PTPRR: variants seen among roughly 807,000 people sequenced by gnomAD.
PTPRR encodes protein tyrosine phosphatase receptor type R.
PTPRR carries 38 observed loss-of-function variants against 77.2 expected under a neutral mutation model. That is an observed-to-expected ratio of 0.49 (90% CI 0.38 to 0.65). The LOEUF is 0.65. PTPRR is among the 30% of genes least tolerant of loss of function. The pLI is 0.00. For synonymous variants in PTPRR, 299 were observed against 283.1 expected (o/e 1.06, Z -0.57); for missense variants, 744 against 799.2 (o/e 0.93, Z 0.83).
At chr12:70,768,969 C>A (rs545422459) in intron 2 of PTPRR, among the ~76,000 whole-genome samples, 6 of 150,940 alleles carry the variant, frequency 4.0e-5, no homozygotes, top group Non-Finnish European at 5.9e-5. Context: ...ACCCTTCATG[C>A]TAAAAACTCT....
intron 2 of PTPRR, among the ~76,000 whole-genome samples, chr12:70,801,719 C>T (rs1251815158): frequency 6.6e-6 from 1 of 151,734 alleles, no homozygotes; most frequent in Non-Finnish European, 1.5e-5. Context: ...CCTCCATAAC[C>T]ACATGAGCCA....
At chr12:70,639,465 A>G in intron 13 of PTPRR, 188 bp from the exon 14 acceptor site, 1 of 1,385,338 alleles carries the variant, frequency 7.2e-7, no homozygotes, top group South Asian at 1.5e-5. Context: ...GGTAATGTAT[A>G]TAAAGGGCTT....
chr12:70,811,172 C>T (rs1183737240), intron 2 of PTPRR, among the ~76,000 whole-genome samples: 2 of 152,116 alleles, frequency 1.3e-5, no homozygotes, highest in African/African-American at 4.8e-5. Context: ...TGCAGTTTCT[C>T]AACCAATGCA....
intron 10 of PTPRR, among the ~76,000 whole-genome samples, chr12:70,673,217 C>T (rs1887312711): frequency 1.3e-5 from 2 of 152,134 alleles, no homozygotes; most frequent in Admixed American, 1.3e-4. Context: ...ACATATTACA[C>T]ACCCTCTAGG....
chr12:70,883,746 GA>G (rs1183051517), intron 2 of PTPRR, among the ~76,000 whole-genome samples: 1 of 151,694 alleles, frequency 6.6e-6, no homozygotes, highest in African/African-American at 2.4e-5. Flanking sequence ...ACCCTCCCAG[GA>G]AAAAAAATGA....
intron 6 of PTPRR, among the ~76,000 whole-genome samples, chr12:70,728,164 TCCG>T (rs1889510031): frequency 6.7e-6 from 1 of 149,992 alleles, no homozygotes; most frequent in South Asian, 2.1e-4. Flanking sequence ...GTATCCCTTA[TCCG>T]AAATGCTTGG....
At chr12:70,865,802 C>A (rs997195700) in intron 2 of PTPRR, among the ~76,000 whole-genome samples, 4 of 152,160 alleles carry the variant, frequency 2.6e-5, no homozygotes, top group Non-Finnish European at 4.4e-5. Flanking sequence ...ATGAGTAGAA[C>A]ATACCAGATA....
intron 2 of PTPRR, among the ~76,000 whole-genome samples, chr12:70,782,629 A>G (rs1891227764): frequency 6.6e-6 from 1 of 151,012 alleles, no homozygotes; most frequent in South Asian, 2.1e-4. Flanking sequence ...CATAGTGGGA[A>G]TTGAACAATG....
At chr12:70,891,685 T>C (rs1251371283) in intron 2 of PTPRR, among the ~76,000 whole-genome samples, 1 of 152,104 alleles carries the variant, frequency 6.6e-6, no homozygotes, top group Non-Finnish European at 1.5e-5. Context: ...TAATAAATAC[T>C]GAGTGTATGC....
chr12:70,771,102 T>C (rs572157725), intron 2 of PTPRR, among the ~76,000 whole-genome samples: 4 of 151,324 alleles, frequency 2.6e-5, no homozygotes, highest in Admixed American at 2.6e-4. Flanking sequence ...CATGTATACA[T>C]ATGTAACTAA....
intron 2 of PTPRR, among the ~76,000 whole-genome samples, chr12:70,863,857 G>A (rs761972334): frequency 1.3e-5 from 2 of 152,102 alleles, no homozygotes; most frequent in African/African-American, 2.4e-5. Flanking sequence ...TGCCCAAAGC[G>A]AAACTCTTGG....
chr12:70,639,169 C>T lies in PTPRR; in HGVS notation c.*15G>A, dbSNP rs755867495. 1.9e-6 allele frequency: 3 copies of T among 1,607,308 alleles called. No homozygotes were observed. Among genetic ancestry groups the T allele is most frequent in the Admixed American group, 1.7e-5 (1 of 59,972 alleles). ...TCACCCCAAGAGATTGATGGTCTGA[C>T]AAGTCTTCAATGACTCACTGGACAG... On this transcript the variant is annotated 3_prime_UTR_variant, in exon 14 of 14. Transcript: ENST00000283228.
At chr12:70,867,123 C>G (rs1892866833) in intron 2 of PTPRR, among the ~76,000 whole-genome samples, 1 of 149,708 alleles carries the variant, frequency 6.7e-6, no homozygotes, top group South Asian at 2.1e-4. Flanking sequence ...CCTTTGAAAA[C>G]TGGCACAAGA....
intron 10 of PTPRR, chr12:70,672,101 C>T: frequency 7.2e-7 from 1 of 1,383,174 alleles, no homozygotes. Flanking sequence ...TGACTCTATG[C>T]TCCCCAAAAT....
chr12:70,881,603 T>C (rs11178470), intron 2 of PTPRR, among the ~76,000 whole-genome samples: 27,930 of 152,208 alleles, frequency 0.18, 3,271 homozygotes, highest in East Asian at 0.41. Context: ...AAGTTGGTAA[T>C]GTTCTCTTGA....
intron 2 of PTPRR, among the ~76,000 whole-genome samples, chr12:70,867,669 A>G (rs1050779814): frequency 1.8e-4 from 28 of 152,130 alleles, no homozygotes; most frequent in African/African-American, 6.8e-4. Flanking sequence ...CTTTCTTCAC[A>G]GAATTGGAAA....
intron 6 of PTPRR, among the ~76,000 whole-genome samples, chr12:70,741,122 A>G (rs1412239883): frequency 6.6e-6 from 1 of 152,224 alleles, no homozygotes; most frequent in Non-Finnish European, 1.5e-5. Flanking sequence ...GAGGTTAGTC[A>G]TAAAAAAGAA....
At chr12:70,678,044 G>A (rs1156909351) in intron 10 of PTPRR, among the ~76,000 whole-genome samples, 1 of 152,024 alleles carries the variant, frequency 6.6e-6, no homozygotes, top group South Asian at 2.1e-4. Flanking sequence ...TCTTCAATGG[G>A]ATACTTTTTT....
At chr12:70,913,664 A>G (rs1893733467) in intron 1 of PTPRR, among the ~76,000 whole-genome samples, 1 of 152,080 alleles carries the variant, frequency 6.6e-6, no homozygotes, top group Admixed American at 6.5e-5. Flanking sequence ...TGGGACACAA[A>G]CTTATCTTAT....
Sources: gnomAD v4.1 joint callset for allele counts (sites outside exome capture counted in the v4.1 genomes callset) on GRCh38, gnomAD v4.1.1 for gene constraint, MANE v1.5 for transcripts, NCBI Gene and HGNC (gene_info 2026-07-23, HGNC 2026-07-21) for gene names.